VPS26C: variants seen among roughly 807,000 people sequenced by gnomAD.
VPS26C encodes vacuolar protein sorting-associated protein 26C.
Under a neutral mutation model 30.6 loss-of-function variants are expected in VPS26C, and 19 were observed. The ratio of observed to expected loss-of-function variants is 0.62; its 90% CI spans 0.43 to 0.91. The LOEUF (loss-of-function observed/expected upper bound fraction) is 0.91. Ranked by LOEUF, VPS26C falls within the 40% of genes least tolerant of loss-of-function variation. The pLI, the probability that VPS26C is intolerant of heterozygous loss-of-function variation, is 0.00. For missense variants in VPS26C, 318 were observed against 385.1 expected (o/e 0.83, Z 1.46); for synonymous variants, 132 against 151.5 (o/e 0.87, Z 0.95).
chr21:37,245,676 G>C (rs1361978605), intron 1 of VPS26C, among the ~76,000 whole-genome samples: 1 of 152,136 alleles, frequency 6.6e-6, no homozygotes, highest in Non-Finnish European at 1.5e-5. Context: ...GCAACAGTAG[G>C]CATTCAATGA....
intron 5 of VPS26C, among the ~76,000 whole-genome samples, chr21:37,231,077 G>A (rs1181404197): frequency 1.3e-5 from 2 of 152,176 alleles, no homozygotes; most frequent in African/African-American, 4.8e-5. Flanking sequence ...AGGTGCTGAG[G>A]ACCAGGAGAA....
intron 5 of VPS26C, chr21:37,229,566 A>G (rs1236722153): frequency 6.6e-6 from 1 of 152,278 alleles, no homozygotes; most frequent in Admixed American, 6.5e-5. Context: ...CCACATTAAA[A>G]AAGAAGGTAA....
chr21:37,239,416 A>G (rs1184528907), intron 2 of VPS26C, among the ~76,000 whole-genome samples: 2 of 152,206 alleles, frequency 1.3e-5, no homozygotes. Context: ...AAGAATAGAG[A>G]AAGAGTTTAC....
intron 4 of VPS26C, 114 bp from the exon 5 acceptor site, chr21:37,232,565 G>A (rs1050454103): frequency 1.1e-5 from 10 of 875,280 alleles, no homozygotes; most frequent in Admixed American, 6.1e-5. Flanking sequence ...CAGGAAGGAC[G>A]GGGAACTAAG....
intron 1 of VPS26C, among the ~76,000 whole-genome samples, chr21:37,255,600 C>A (rs968384332): frequency 1.6e-4 from 24 of 152,072 alleles, no homozygotes; most frequent in Admixed American, 3.9e-4. Flanking sequence ...AGCAAAAGGG[C>A]CACAATCTCA....
At chr21:37,241,735 T>C (rs2086089842) in intron 1 of VPS26C, among the ~76,000 whole-genome samples, 1 of 152,136 alleles carries the variant, frequency 6.6e-6, no homozygotes, top group Non-Finnish European at 1.5e-5. Context: ...GGTGGGAGAA[T>C]TGCTTGAGCC....
rs1270067589 is a variant in VPS26C at position 37,226,260 on chromosome 21, G to C, written c.812-634C>G. 6.5e-6 allele frequency: 1 copy of C among 153,774 alleles called. No individual in the cohort carries two copies. Among genetic ancestry groups the C allele is most frequent in the Non-Finnish European group, 1.4e-5 (1 of 69,062 alleles). 9.5% of individuals were successfully genotyped at this position (153,774 alleles called of 1,614,324 possible). A position where few individuals can be genotyped will look rare whatever the true frequency, so the allele number is the denominator to read the frequency against. ...ACCATCTCCTTCCCCAGTGTGAGGA[G>C]GGGTGGGAAGGGCATCGTGTGGGCA... On this transcript the variant is annotated intron_variant, in intron 7 of 7. Transcript: ENST00000309117. The surrounding 1 kb of genome is among the most constrained non-coding windows in gnomAD (Gnocchi z 4.1).
intron 1 of VPS26C, among the ~76,000 whole-genome samples, chr21:37,242,707 C>T (rs1046993883): frequency 2.0e-5 from 3 of 152,142 alleles, no homozygotes; most frequent in African/African-American, 7.2e-5. Flanking sequence ...CACACAGTAG[C>T]GCCTGAGGAT....
At chr21:37,235,356 A>C (rs1366855030) in intron 3 of VPS26C, among the ~76,000 whole-genome samples, 1 of 151,784 alleles carries the variant, frequency 6.6e-6, no homozygotes, top group East Asian at 1.9e-4. Flanking sequence ...CTGGTCTCGA[A>C]CTCCTGACCT....
rs557872143 is a variant in VPS26C, at chr21:37,226,891, T to A, written c.811+763A>T. ...GTCCCTTCCTACTGGGTCTCTCTGT[T>A]CTACTTCTTCGTAGTGTGGAGTGAT... On this transcript the variant is annotated intron_variant, in intron 7 of 7. Coordinates refer to ENST00000309117, the MANE Select transcript of VPS26C (RefSeq NM_006052.2). The surrounding 1 kb of genome is among the most constrained non-coding windows in gnomAD (Gnocchi z 4.1). 1 of 152,340 alleles carries A rather than the reference T, an allele frequency of 6.6e-6. No homozygotes were observed. The highest frequency in any genetic ancestry group is 2.4e-5 in the African/African-American group (1 of 41,582). 9.4% of individuals were successfully genotyped at this position (152,340 alleles called of 1,614,324 possible). A position where few individuals can be genotyped will look rare whatever the true frequency, so the allele number is the denominator to read the frequency against.
intron 1 of VPS26C, among the ~76,000 whole-genome samples, chr21:37,250,940 A>T (rs1319736563): frequency 6.6e-6 from 1 of 151,568 alleles, no homozygotes; most frequent in Non-Finnish European, 1.5e-5. Flanking sequence ...AAGATAACTC[A>T]GAAGAAAAAT....
chr21:37,261,515 G>A (rs1602289815), intron 1 of VPS26C: 1 of 151,752 alleles, frequency 6.6e-6, no homozygotes. Context: ...TTTCTTGTTA[G>A]TTACTCTTTT....
At chr21:37,235,451 G>A (rs1010988486) in intron 3 of VPS26C, among the ~76,000 whole-genome samples, 4 of 152,178 alleles carry the variant, frequency 2.6e-5, no homozygotes, top group Non-Finnish European at 5.9e-5. Flanking sequence ...TAGTTTTAAA[G>A]TAGATTCCTA....
intron 1 of VPS26C, among the ~76,000 whole-genome samples, chr21:37,260,090 A>AT (rs2148309651): frequency 6.6e-6 from 1 of 152,368 alleles, no homozygotes; most frequent in South Asian, 2.1e-4. Flanking sequence ...GGATTTAGGA[A>AT]TAAAAAGATG....
intron 1 of VPS26C, among the ~76,000 whole-genome samples, chr21:37,243,119 T>G (rs969317970): frequency 5.9e-5 from 9 of 152,070 alleles, no homozygotes; most frequent in African/African-American, 2.2e-4. Context: ...CAGAGGAAGA[T>G]AGGATACACT....
At position 37,225,348 on chromosome 21, in the gene VPS26C, T is replaced by C. The variant is rs1392935120; in HGVS notation, c.*196A>G. 2 of 575,094 alleles carry C rather than the reference T, an allele frequency of 3.5e-6. No homozygotes were observed. Among genetic ancestry groups the C allele is most frequent in the African/African-American group, 1.9e-5 (1 of 53,630 alleles). 35.6% of individuals were successfully genotyped at this position (575,094 alleles called of 1,614,324 possible). On this transcript the variant is annotated 3_prime_UTR_variant, in exon 8 of 8. Coordinates refer to ENST00000309117, the MANE Select transcript of VPS26C (RefSeq NM_006052.2). ...CTTGTTGAATTTCAAAGAAAAGGTC[T>C]GATTAGAGGTGCCTGTTGGAAGCAG...
At chr21:37,262,186 C>G (rs1370527439) in intron 1 of VPS26C, among the ~76,000 whole-genome samples, 1 of 152,176 alleles carries the variant, frequency 6.6e-6, no homozygotes, top group Admixed American at 6.5e-5. Flanking sequence ...CTATAAACAC[C>G]TGGTCAACCA....
intron 7 of VPS26C, 184 bp downstream of exon 7, chr21:37,227,470 T>C: frequency 3.1e-6 from 2 of 651,734 alleles, no homozygotes; most frequent in Non-Finnish European, 5.2e-6. Context: ...GCACAGCAGC[T>C]CCTTAACAAG....
In VPS26C at chr21:37,228,236, G is replaced by A. The variant is rs532176120; in HGVS notation, c.645C>T (p.Arg215=). The A allele has an allele frequency of 1.1e-5, 17 of 1,612,716 alleles. No homozygotes were observed. Among genetic ancestry groups the A allele is most frequent in the African/African-American group, 6.7e-5 (5 of 75,052 alleles). ...AIRSVELQLV[R]VETCGCAEGY... ...CACGGCCCTCACCGCACGTCTCCAC[G>A]CGCACCAGCTGCAGCTCCACGCTTC... The change falls in exon 6 of 8, where the codon CGC becomes CGT. Residue 215 remains arginine, a synonymous_variant. Coordinates refer to ENST00000309117, the MANE Select transcript of VPS26C (RefSeq NM_006052.2).
Sources: gnomAD v4.1 joint callset for allele counts (sites outside exome capture counted in the v4.1 genomes callset) on GRCh38, gnomAD v4.1.1 for gene constraint, Gnocchi (gnomAD v3.1) non-coding constraint, MANE v1.5 for transcripts, NCBI Gene and HGNC (gene_info 2026-07-23, HGNC 2026-07-21) for gene names.